Variants in POLA1 observed in about 807,000 individuals in gnomAD.
POLA1 encodes the protein DNA polymerase alpha 1, catalytic subunit.
Under a neutral mutation model 124.0 loss-of-function variants are expected in POLA1, and 15 were observed. That is an observed-to-expected ratio of 0.12 (90% CI 0.08 to 0.19). The LOEUF is 0.19. Ranked by LOEUF, POLA1 falls within the 10% of genes least tolerant of loss-of-function variation. The probability of loss-of-function intolerance (pLI) is 1.00; values close to 1 mark genes in which losing one functional copy is unlikely to be tolerated. For missense variants in POLA1, 886 were observed against 1,103.4 expected (o/e 0.80, Z 2.79); for synonymous variants, 408 against 389.4 (o/e 1.05, Z -0.56).
At chrX:24,833,008 C>G (rs1440994656) in intron 32 of POLA1, among the ~76,000 whole-genome samples, 1 of 110,386 alleles carries the variant, frequency 9.1e-6, no homozygotes, top group African/African-American at 3.3e-5. Context: ...TTTGGTGCAC[C>G]CAAAGCAGTG....
At chrX:24,710,438 C>G (rs1382575448) in intron 4 of POLA1, among the ~76,000 whole-genome samples, 3 of 111,876 alleles carry the variant, frequency 2.7e-5, no homozygotes, top group African/African-American at 9.7e-5. Flanking sequence ...ATCATGTTTT[C>G]AAGTAGCATG....
intron 34 of POLA1, among the ~76,000 whole-genome samples, chrX:24,874,047 A>G (rs2046901950): frequency 8.9e-6 from 1 of 112,054 alleles, no homozygotes. Context: ...GCACTGGACT[A>G]GAAGTTCAGT....
chrX:24,711,937 A>G (rs1033612150), intron 4 of POLA1, among the ~76,000 whole-genome samples: 23 of 111,893 alleles, frequency 2.1e-4, no homozygotes, highest in African/African-American at 6.8e-4. Context: ...CCTATTCTTT[A>G]TAGGAGCTGT....
At chrX:24,745,036 A>G in intron 23 of POLA1, among the ~76,000 whole-genome samples, 1 of 106,642 alleles carries the variant, frequency 9.4e-6, no homozygotes, top group East Asian at 3.1e-4. Context: ...GGATTCTTCA[A>G]AGAATTCTTG....
chrX:24,937,254 G>T (rs2047861028), intron 36 of POLA1, among the ~76,000 whole-genome samples: 2 of 111,128 alleles, frequency 1.8e-5, no homozygotes, highest in Non-Finnish European at 3.8e-5. Flanking sequence ...TATTACATAG[G>T]TTTAATCTTT....
chrX:24,772,508 T>C (rs953185749), intron 26 of POLA1, among the ~76,000 whole-genome samples: 1 of 110,806 alleles, frequency 9.0e-6, no homozygotes, highest in Admixed American at 9.6e-5. Flanking sequence ...GCCTAATACT[T>C]ATCAGTTATT....
chrX:24,952,362 A>G (rs1348634792), intron 36 of POLA1, among the ~76,000 whole-genome samples: 1 of 112,089 alleles, frequency 8.9e-6, no homozygotes, highest in Non-Finnish European at 1.9e-5. Context: ...AATTAGTAGC[A>G]CAAAGAAGGC....
intron 26 of POLA1, among the ~76,000 whole-genome samples, chrX:24,751,926 C>A (rs770564348): frequency 7.2e-5 from 8 of 111,711 alleles, no homozygotes; most frequent in African/African-American, 2.6e-4. Context: ...AAATTCTTTG[C>A]TTTTAAAGTC....
chrX:24,946,585 G>T (rs2047963819), intron 36 of POLA1, among the ~76,000 whole-genome samples: 1 of 111,526 alleles, frequency 9.0e-6, no homozygotes, highest in Non-Finnish European at 1.9e-5. Context: ...TGGTTTCCCT[G>T]CCTGGGTTAG....
Position 24,843,571 on chromosome X carries a change from A to T in POLA1, c.3941A>T (p.Tyr1314Phe). The T allele has an allele frequency of 8.4e-7, 1 of 1,194,633 alleles. No homozygotes were observed. Among genetic ancestry groups the T allele is most frequent in the Non-Finnish European group, 1.1e-6 (1 of 883,849 alleles). Residue 1314 changes from tyrosine (Y) to phenylalanine (F), a missense_variant, in exon 34 of 37, where the codon TAT becomes TTT. Physicochemically the swap from Tyr to Phe is conservative, Grantham distance 22. This residue lies in a region of POLA1 where 313 missense variants were observed against 359.7 expected (regional missense o/e 0.87). Transcript: ENST00000379068. ...GGAACAGATATGGAGCCCAGCTTGT[A>T]TCGTTGCAGTAACATCGATTGTAAG... ...GSGTDMEPSL[Y>F]RCSNIDCKAS...
intron 13 of POLA1, 45 bp downstream of exon 13, chrX:24,726,100 A>T (rs1390916269): frequency 1.2e-6 from 1 of 854,578 alleles, no homozygotes; most frequent in Non-Finnish European, 1.7e-6. Context: ...TGAGAATGAC[A>T]TTTTTCTGTT....
intron 35 of POLA1, among the ~76,000 whole-genome samples, chrX:24,911,830 A>G (rs2047452937): frequency 8.9e-6 from 1 of 112,329 alleles, no homozygotes; most frequent in South Asian, 3.7e-4. Flanking sequence ...AACATAATGG[A>G]TCAATTCCTT....
chrX:24,791,467 A>G (rs781407966), intron 26 of POLA1, among the ~76,000 whole-genome samples: 2 of 112,230 alleles, frequency 1.8e-5, no homozygotes, highest in African/African-American at 6.5e-5. Flanking sequence ...GCTCACTGCA[A>G]CCTCCACCTC....
At chrX:24,770,757 C>T (rs956080657) in intron 26 of POLA1, among the ~76,000 whole-genome samples, 1 of 111,003 alleles carries the variant, frequency 9.0e-6, no homozygotes, top group Non-Finnish European at 1.9e-5. Flanking sequence ...TAGGAGGTGA[C>T]CGATAACCTC....
intron 35 of POLA1, among the ~76,000 whole-genome samples, chrX:24,917,292 A>AG (rs1172408865): frequency 9.1e-6 from 1 of 110,324 alleles, no homozygotes; most frequent in Non-Finnish European, 1.9e-5. Flanking sequence ...TCTGAAAGAA[A>AG]AAAAAAAAAA....
intron 36 of POLA1, among the ~76,000 whole-genome samples, chrX:24,994,704 A>C (rs1202915443): frequency 2.2e-5 from 2 of 92,522 alleles, no homozygotes; most frequent in Non-Finnish European, 4.1e-5. Flanking sequence ...CTGCTGTGTA[A>C]CCTTGGGTAA....
At chrX:24,976,697 T>C (rs751761431) in intron 36 of POLA1, among the ~76,000 whole-genome samples, 13 of 112,583 alleles carry the variant, frequency 1.2e-4, no homozygotes, top group Non-Finnish European at 2.4e-4. Context: ...TAGTTAAACA[T>C]GCACATAATT....
intron 36 of POLA1, among the ~76,000 whole-genome samples, chrX:24,937,842 T>C (rs1255692298): frequency 1.5e-4 from 17 of 112,610 alleles, no homozygotes; most frequent in African/African-American, 5.5e-4. Context: ...ATTCATTGAT[T>C]AGGGCCGTCC....
At chrX:24,923,923 C>T (rs2047655367) in intron 35 of POLA1, among the ~76,000 whole-genome samples, 1 of 111,617 alleles carries the variant, frequency 9.0e-6, no homozygotes, top group Non-Finnish European at 1.9e-5. Flanking sequence ...TTTATTTCAA[C>T]CTTTTCATAA....
Sources: gnomAD v4.1 joint callset for allele counts (sites outside exome capture counted in the v4.1 genomes callset) on GRCh38, gnomAD v4.1.1 for gene constraint, gnomAD v4.1.1 regional missense constraint, MANE v1.5 for transcripts, NCBI Gene and HGNC (gene_info 2026-07-23, HGNC 2026-07-21) for gene names.